Variants in DGKA observed in about 807,000 individuals in gnomAD.
The protein encoded by DGKA is diacylglycerol kinase alpha, also known as 80 kDa diacylglycerol kinase.
In DGKA, 35 loss-of-function variants were observed where a neutral mutation model predicts 105.0. That is an observed-to-expected ratio of 0.33 (90% CI 0.25 to 0.44). The LOEUF is 0.44. Among genes scored for constraint, DGKA ranks in the 20% least tolerant of loss-of-function variants. The probability of loss-of-function intolerance (pLI) is 1.00; values close to 1 mark genes in which losing one functional copy is unlikely to be tolerated. For missense variants in DGKA, 665 were observed against 915.0 expected, an observed-to-expected ratio of 0.73 and a Z score of 3.53; for synonymous variants, 296 against 332.0, an observed-to-expected ratio of 0.89 and a Z score of 1.18.
rs565945591 is a variant in DGKA at position 55,943,579 on chromosome 12, T to C, written c.1426+1316T>C. 2.6e-5 allele frequency among the ~76,000 whole-genome samples: 4 copies of C among 152,162 alleles called. No homozygotes were observed. In the East Asian group the frequency reaches 7.7e-4, roughly 29 times the overall value. ...GTGTAAGCCACCATGCCCAACCCACTTTACCATTCAAGCCACTCAGGTATT... is the reference window on the plus strand; with the variant it reads ...GTGTAAGCCACCATGCCCAACCCACCTTACCATTCAAGCCACTCAGGTATT... On this transcript the variant is annotated intron_variant, in intron 17 of 23. Transcript: ENST00000331886.
In DGKA at chr12:55,939,426, C is replaced by T. The variant is rs17118135; in HGVS notation, c.606C>T (p.Asp202=). 3.0e-3 allele frequency: 4,764 copies of T among 1,614,116 alleles called. 105 individuals carry two copies. In the African/African-American group the frequency reaches 0.046, roughly 16 times the overall value. The change falls in exon 9 of 24, where the codon GAC becomes GAT. Residue 202 remains aspartate (D), a synonymous_variant. Coordinates refer to ENST00000331886, the MANE Select transcript of DGKA (RefSeq NM_001345.5). The part of the protein sequence containing the change: ...VLLGLEMTLK[D]DGQHMWRPKR... ...CTGTGCCTTCCTAGACTCTGAAGGA[C>T]GACGGACAGCACATGTGGAGGCCCA...
rs1357793588 is a variant in DGKA at position 55,936,449 on chromosome 12, A to G, written c.-55A>G. 5 of 1,600,398 alleles carry G rather than the reference A, an allele frequency of 3.1e-6. No homozygotes were observed. Among genetic ancestry groups the G allele is most frequent in the African/African-American group, 1.3e-5 (1 of 74,676 alleles). On this transcript the variant is annotated 5_prime_UTR_variant, in exon 2 of 24. Transcript: ENST00000331886. ...CCTACCCTCTGAAGAGGTCCAAGCAACGGAAGTACTACTACGAAGCTGCCT... is the reference window on the plus strand; with the variant it reads ...CCTACCCTCTGAAGAGGTCCAAGCAGCGGAAGTACTACTACGAAGCTGCCT...
chr12:55,952,271 C>G lies in DGKA; in HGVS notation c.1653-70C>G. 2 of 1,548,348 alleles carry G rather than the reference C, an allele frequency of 1.3e-6. No homozygotes were observed. The highest frequency in any genetic ancestry group is 2.2e-5 in the South Asian group (2 of 89,570). ...TTAGGAGGTTGATGCCCTTCCCTGT[C>G]ACGTACCACCCCTGCCAGCACTGTG... On this transcript the variant is annotated intron_variant, in intron 19 of 23. Transcript: ENST00000331886. This position sits in a 1 kb window ranked among gnomAD's most constrained non-coding sequence, Gnocchi z 5.1.
Position 55,942,064 on chromosome 12 carries a change from C to T in DGKA, c.1317C>T (p.Gly439=), listed in dbSNP as rs1226409486. 6.2e-7 allele frequency: 1 copy of T among 1,614,138 alleles called. No individual in the cohort carries two copies. Among genetic ancestry groups the T allele is most frequent in the Non-Finnish European group, 8.5e-7 (1 of 1,180,028 alleles). The change falls in exon 16 of 24, where the codon GGC becomes GGT. Residue 439 remains glycine (G), a synonymous_variant. Transcript: ENST00000331886. ...ILVCGGDGTV[G]WILETIDKAN... is the part of the protein sequence containing the mutation. ...TGTGTGGTGGAGACGGCACAGTAGG[C>T]TGGATTCTAGAGACCATTGGTCAGT...
chr12:55,937,059 A>G lies in DGKA; in HGVS notation c.107A>G (p.Asp36Gly). 6.2e-7 allele frequency: 1 copy of G among 1,614,144 alleles called. No homozygotes were observed. The highest frequency in any genetic ancestry group is 8.5e-7 in the Non-Finnish European group (1 of 1,180,022). Residue 36 changes from aspartate (D) to glycine (G), a missense_variant, in exon 3 of 24, where the codon GAT becomes GGT. By Grantham distance (94) the Asp-to-Gly change is moderately conservative. Transcript: ENST00000331886. ...KVSDVLKLFEDGEMAKYVQGD... is the reference protein window; with the variant it reads ...KVSDVLKLFEGGEMAKYVQGD... The stretch of plus-strand genomic sequence containing the variant: ...AGTGATGTCCTAAAGCTCTTCGAGG[A>G]TGGCGAGATGGCTAAATATGTCCAA...
rs1888392249 is a variant in DGKA, at chr12:55,952,665, C to T, written c.1744-69C>T. ...TGTCATCTGGTGGAGGGAGCGATCA[C>T]ATCTATGATCATGCCATGAGGTGAG... On this transcript the variant is annotated intron_variant, in intron 20 of 23. Transcript: ENST00000331886. The surrounding 1 kb of genome is among the most constrained non-coding windows in gnomAD (Gnocchi z 5.1). 1.3e-6 allele frequency: 2 copies of T among 1,554,552 alleles called. No individual in the cohort carries two copies. The highest frequency in any genetic ancestry group is 2.2e-5 in the East Asian group (1 of 44,552).
chr12:55,936,360 A>G (rs1269211933), intron 1 of DGKA, 63 bp from the exon 2 acceptor site: 1 of 1,440,216 alleles, frequency 6.9e-7, no homozygotes, highest in African/African-American at 1.4e-5. Context: ...AATGGAACAG[A>G]CAGAAGAAAA....
In DGKA at chr12:55,953,734, C is replaced by G. The variant is rs200177638; in HGVS notation, c.2174C>G (p.Pro725Arg). Residue 725 changes from proline to arginine, a missense_variant, in exon 24 of 24, where the codon CCC becomes CGC. Pro to Arg is a moderately radical substitution (Grantham distance 103). Coordinates refer to ENST00000331886, the MANE Select transcript of DGKA (RefSeq NM_001345.5). ...ATGCCCATGCTCATGGGCCCACCCC[C>G]CCGCTCCACCAATTTCTTTGGCTTC... is the stretch of plus-strand genomic sequence containing the variant. ...NQMPMLMGPP[P>R]RSTNFFGFLS 2.5e-6 allele frequency: 4 copies of G among 1,614,062 alleles called. No homozygotes were observed. The highest frequency in any genetic ancestry group is 2.7e-5 in the African/African-American group (2 of 74,916).
At chr12:55,927,561 G>A, upstream of DGKA, 1 of 876,034 alleles carries the variant, frequency 1.1e-6, no homozygotes, top group Non-Finnish European at 1.7e-6. Context: ...CTCCAGGAAC[G>A]CACTGGGGCG....
chr12:55,951,811 G>A, intron 18 of DGKA, 28 bp downstream of exon 18: 1 of 1,607,228 alleles, frequency 6.2e-7, no homozygotes, highest in Middle Eastern at 1.7e-4. Context: ...TGGGGAGAAG[G>A]GAGAAAGGGG....
chr12:55,932,614 G>A lies in DGKA; in HGVS notation c.-82+1270G>A, dbSNP rs187085829. On this transcript the variant is annotated intron_variant, in intron 1 of 23. Coordinates refer to ENST00000331886, the MANE Select transcript of DGKA (RefSeq NM_001345.5). This position sits in a 1 kb window ranked among gnomAD's most constrained non-coding sequence, Gnocchi z 4.3. ...GCAAATATTACTGGGCATCTCTTCA[G>A]CCTCAGCACAGACAAGCCCACATCC... 3 of 702,138 alleles carry A rather than the reference G, an allele frequency of 4.3e-6. No homozygotes were observed. Among genetic ancestry groups the A allele is most frequent in the East Asian group, 5.4e-5 (2 of 37,272 alleles). The allele number at this position is 702,138 out of a possible 1,614,324, so 43.5% of individuals were successfully genotyped here.
At chr12:55,927,620 G>A (rs567932590), upstream of DGKA, 23 of 1,416,778 alleles carry the variant, frequency 1.6e-5, 2 homozygotes, top group South Asian at 2.5e-4. Context: ...CCCTAAGAAG[G>A]TGGGGAGGTC....
In DGKA at chr12:55,940,932, C is replaced by G. The variant is rs372501503; in HGVS notation, c.1053C>G (p.Ser351Arg). ...SGPDRKNSKT[S>R]QKTMDDLNLS... The stretch of plus-strand genomic sequence containing the variant: ...CGGATCGTAAAAATAGCAAAACAAG[C>G]CAGAAGACCATGGATGATTTAAATT... Residue 351 changes from serine to arginine, a missense_variant, in exon 13 of 24, where the codon AGC becomes AGG. Physicochemically the swap from Ser to Arg is moderately radical, Grantham distance 110. Coordinates refer to ENST00000331886, the MANE Select transcript of DGKA (RefSeq NM_001345.5). This position sits in a 1 kb window ranked among gnomAD's most constrained non-coding sequence, Gnocchi z 4.3. The G allele has an allele frequency of 1.1e-5, 17 of 1,614,028 alleles. No individual in the cohort carries two copies. Among genetic ancestry groups the G allele is most frequent in the Non-Finnish European group, 1.4e-5 (17 of 1,180,030 alleles).
In DGKA at chr12:55,937,054, C is replaced by T; in HGVS notation, c.102C>T (p.Phe34=). 1.9e-6 allele frequency: 3 copies of T among 1,614,118 alleles called. No homozygotes were observed. The highest frequency in any genetic ancestry group is 2.7e-5 in the African/African-American group (2 of 75,030). ...AGGTCAGTGATGTCCTAAAGCTCTT[C>T]GAGGATGGCGAGATGGCTAAATATG... ...TKKVSDVLKL[F]EDGEMAKYVQ... The change falls in exon 3 of 24, where the codon TTC becomes TTT. Residue 34 remains phenylalanine (F), a synonymous_variant. Transcript: ENST00000331886.
At position 55,940,972 on chromosome 12, in the gene DGKA, G is replaced by T; in HGVS notation, c.1093G>T (p.Ala365Ser). 1 of 1,613,922 alleles carries T rather than the reference G, an allele frequency of 6.2e-7. No homozygotes were observed. Among genetic ancestry groups the T allele is most frequent in the South Asian group, 1.1e-5 (1 of 90,988 alleles). The change falls in exon 13 of 24, where the codon GCT (alanine) becomes TCT (serine). Residue 365 changes from alanine (A) to serine (S), a missense_variant. By Grantham distance (99) the Ala-to-Ser change is moderately conservative (BLOSUM62 1). Coordinates refer to ENST00000331886, the MANE Select transcript of DGKA (RefSeq NM_001345.5). This position sits in a 1 kb window ranked among gnomAD's most constrained non-coding sequence, Gnocchi z 4.3. ...MDDLNLSTSE[A>S]LRIDPVPNTH... ...TGATTTAAATTTGAGCACCTCTGAG[G>T]CTCTGCGGGTACAGGGCTGAGAGTC...
Position 55,932,478 on chromosome 12 carries a change from C to A in DGKA, c.-82+1134C>A. ...TCTTGTTTGGCCTCCAGGTCCCCAACTTCCCACCCCATCCTCTCCCCACCT... is the reference window on the plus strand; with the variant it reads ...TCTTGTTTGGCCTCCAGGTCCCCAAATTCCCACCCCATCCTCTCCCCACCT... On this transcript the variant is annotated intron_variant, in intron 1 of 23. Coordinates refer to ENST00000331886, the MANE Select transcript of DGKA (RefSeq NM_001345.5). The surrounding 1 kb of genome is among the most constrained non-coding windows in gnomAD (Gnocchi z 4.3). 1 of 699,632 alleles carries A rather than the reference C, an allele frequency of 1.4e-6. No homozygotes were observed. The highest frequency in any genetic ancestry group is 2.6e-6 in the Non-Finnish European group (1 of 383,018). The allele number at this position is 699,632 out of a possible 1,614,324, so 43.3% of individuals were successfully genotyped here.
intron 9 of DGKA, 137 bp from the exon 10 acceptor site, chr12:55,939,945 G>A (rs1378689172): frequency 5.3e-6 from 4 of 750,906 alleles, no homozygotes; most frequent in African/African-American, 1.7e-5. Context: ...TTTGGAGGTG[G>A]GCACTTCACC....
At chr12:55,927,997 G>T, upstream of DGKA, 1 of 551,936 alleles carries the variant, frequency 1.8e-6, no homozygotes, top group African/African-American at 2.0e-5. Flanking sequence ...AGGATCTAAA[G>T]CGGGGCAACT....
At position 55,952,709 on chromosome 12, in the gene DGKA, C is replaced by A. The variant is rs1565766392; in HGVS notation, c.1744-25C>A. 6.2e-7 allele frequency: 1 copy of A among 1,613,324 alleles called. No individual in the cohort carries two copies. Among genetic ancestry groups the A allele is most frequent in the East Asian group, 2.2e-5 (1 of 44,872 alleles). ...AGGTGAGGATCTGTACCCTCCCTAACTGGGACTGTGCCCCCTCCTCTCAGA... is the reference window on the plus strand; with the variant it reads ...AGGTGAGGATCTGTACCCTCCCTAAATGGGACTGTGCCCCCTCCTCTCAGA... On this transcript the variant is annotated intron_variant, in intron 20 of 23. Transcript: ENST00000331886. The surrounding 1 kb of genome is among the most constrained non-coding windows in gnomAD (Gnocchi z 5.1).
Sources: gnomAD v4.1 joint callset for allele counts (sites outside exome capture counted in the v4.1 genomes callset) on GRCh38, gnomAD v4.1.1 for gene constraint, Gnocchi (gnomAD v3.1) non-coding constraint, MANE v1.5 for transcripts, NCBI Gene and HGNC (gene_info 2026-07-23, HGNC 2026-07-21) for gene names.